The following OPCML variants were observed in gnomAD, a reference collection of about 807,000 sequenced individuals.
The protein encoded by OPCML is opioid binding protein/cell adhesion molecule like, also known as opioid-binding protein/cell adhesion molecule.
A neutral mutation model predicts 37.8 loss-of-function variants in OPCML; 13 were observed. The ratio of observed to expected loss-of-function variants is 0.34; its 90% CI spans 0.22 to 0.55. The LOEUF (loss-of-function observed/expected upper bound fraction) is 0.55. Ranked by LOEUF, OPCML falls within the 20% of genes least tolerant of loss-of-function variation. The pLI, the probability that OPCML is intolerant of heterozygous loss-of-function variation, is 0.91. For synonymous variants in OPCML, 176 were observed against 168.8 expected, an observed-to-expected ratio of 1.04 and a Z score of -0.33; for missense variants, 341 against 435.6, an observed-to-expected ratio of 0.78 and a Z score of 1.93.
At chr11:133,093,548 TAGTGATCTATG>T (rs1375146334) in intron 1 of OPCML, among the ~76,000 whole-genome samples, 3 of 152,186 alleles carry the variant, frequency 2.0e-5, no homozygotes, top group Non-Finnish European at 4.4e-5. Flanking sequence ...TTAATGCTCA[TAGTGATCTATG>T]AAATTGGTAT....
At chr11:132,563,411 G>A (rs755333811) in intron 3 of OPCML, among the ~76,000 whole-genome samples, 54 of 151,960 alleles carry the variant, frequency 3.6e-4, no homozygotes, top group Non-Finnish European at 7.2e-4. Context: ...CTCCCCGAAT[G>A]TCTCTGGGTT....
intron 2 of OPCML, among the ~76,000 whole-genome samples, chr11:132,839,380 G>A (rs1941188245): frequency 6.6e-6 from 1 of 152,188 alleles, no homozygotes; most frequent in Non-Finnish European, 1.5e-5. Context: ...CCGCAAGCAT[G>A]AAAGCTGAAC....
At chr11:133,281,378 C>T (rs2136509088) in intron 1 of OPCML, among the ~76,000 whole-genome samples, 1 of 152,126 alleles carries the variant, frequency 6.6e-6, no homozygotes, top group South Asian at 2.1e-4. Flanking sequence ...AAGAGTGTGG[C>T]ATTCCCCCAC....
At chr11:133,202,883 A>T (rs1938860250) in intron 1 of OPCML, among the ~76,000 whole-genome samples, 1 of 152,224 alleles carries the variant, frequency 6.6e-6, no homozygotes, top group Non-Finnish European at 1.5e-5. Flanking sequence ...CCTCCCGGAC[A>T]TGCAGCTCAG....
intron 2 of OPCML, among the ~76,000 whole-genome samples, chr11:132,798,964 A>C (rs528241416): frequency 2.0e-5 from 3 of 152,314 alleles, no homozygotes; most frequent in South Asian, 4.1e-4. Context: ...CTGTAAACAG[A>C]TGTGCTGTCA....
intron 2 of OPCML, among the ~76,000 whole-genome samples, chr11:132,859,787 A>G (rs752872092): frequency 2.6e-5 from 4 of 152,238 alleles, no homozygotes; most frequent in Non-Finnish European, 5.9e-5. Context: ...ACAGTTTTCA[A>G]CAAAATACTT....
chr11:132,432,281 T>C (rs538600652), intron 7 of OPCML, among the ~76,000 whole-genome samples: 1 of 152,222 alleles, frequency 6.6e-6, no homozygotes, highest in East Asian at 1.9e-4. Flanking sequence ...CAGTAAATGG[T>C]TGGTAATAAT....
chr11:133,173,666 C>A lies in OPCML; in HGVS notation c.62-230656G>T, dbSNP rs1950319178. ...GATGAGGCTAACGTAAGGGTAGACA[C>A]CTCCCTGCAGATAATAACGAGAACC... On this transcript the variant is annotated intron_variant, in intron 1 of 7. Transcript: ENST00000524381. The surrounding 1 kb of genome is among the most constrained non-coding windows in gnomAD (Gnocchi z 7.8). Among the ~76,000 whole-genome samples, 1 of 152,166 alleles carries A rather than the reference C, an allele frequency of 6.6e-6. No homozygotes were observed. The highest frequency in any genetic ancestry group is 1.5e-5 in the Non-Finnish European group (1 of 68,036).
At chr11:133,458,872 C>A (rs1254558927) in intron 1 of OPCML, among the ~76,000 whole-genome samples, 1 of 110,586 alleles carries the variant, frequency 9.0e-6, no homozygotes, top group Non-Finnish European at 1.8e-5. Context: ...TATATACACA[C>A]ACATACACAC....
At chr11:133,348,326 A>C (rs1160391073) in intron 1 of OPCML, among the ~76,000 whole-genome samples, 1 of 152,220 alleles carries the variant, frequency 6.6e-6, no homozygotes, top group Non-Finnish European at 1.5e-5. Flanking sequence ...ACTGTGCCTA[A>C]TTCATCTTTG....
intron 1 of OPCML, among the ~76,000 whole-genome samples, chr11:133,133,329 C>T (rs1205026320): frequency 6.6e-6 from 1 of 152,146 alleles, no homozygotes; most frequent in African/African-American, 2.4e-5. Context: ...TTATTCTTCC[C>T]ATCTCCAGCC....
At chr11:132,815,437 T>C (rs1939577003) in intron 2 of OPCML, among the ~76,000 whole-genome samples, 2 of 152,188 alleles carry the variant, frequency 1.3e-5, no homozygotes, top group Non-Finnish European at 2.9e-5. Context: ...TGTGGAGATG[T>C]TTCAATGGGT....
intron 1 of OPCML, among the ~76,000 whole-genome samples, chr11:133,353,582 A>G (rs865785153): frequency 5.9e-5 from 9 of 152,194 alleles, no homozygotes; most frequent in South Asian, 2.1e-4. Flanking sequence ...TGGGAAAGGA[A>G]TCAGTCTGTT....
In OPCML at chr11:132,611,207, T is replaced by C. The variant is rs140028030; in HGVS notation, c.379+45880A>G. ...GATGTTGTATGTTCATTTTGACAGA[T>C]ATAAATGAGTAACTTGGTCCCTAGA... On this transcript the variant is annotated intron_variant, in intron 3 of 7. Transcript: ENST00000524381. Among the ~76,000 whole-genome samples the C allele has an allele frequency of 6.1e-3, 925 of 152,318 alleles. 9 individuals are homozygous for C. Among genetic ancestry groups the C allele is most frequent in the South Asian group, 9.1e-3 (44 of 4,824 alleles).
At chr11:133,040,826 G>A (rs1009812646) in intron 1 of OPCML, among the ~76,000 whole-genome samples, 3 of 152,134 alleles carry the variant, frequency 2.0e-5, no homozygotes, top group African/African-American at 7.2e-5. Flanking sequence ...AGGAGAAAGG[G>A]TGAAGTACAG....
chr11:133,304,587 G>T (rs906760066), intron 1 of OPCML, among the ~76,000 whole-genome samples: 1 of 152,164 alleles, frequency 6.6e-6, no homozygotes, highest in Non-Finnish European at 1.5e-5. Flanking sequence ...AAGTGCTAAG[G>T]TTACAGACAC....
At chr11:132,676,250 T>A (rs2135834337) in intron 2 of OPCML, among the ~76,000 whole-genome samples, 1 of 152,244 alleles carries the variant, frequency 6.6e-6, no homozygotes, top group African/African-American at 2.4e-5. Flanking sequence ...CACAATTGAA[T>A]ACAGCTGGAA....
intron 3 of OPCML, among the ~76,000 whole-genome samples, chr11:132,564,668 C>T (rs1399655361): frequency 6.6e-6 from 1 of 152,090 alleles, no homozygotes; most frequent in African/African-American, 2.4e-5. Context: ...CATTCATTTA[C>T]ACTGCTCCTA....
intron 2 of OPCML, among the ~76,000 whole-genome samples, chr11:132,795,002 G>C (rs559518803): frequency 6.6e-6 from 1 of 151,434 alleles, no homozygotes; most frequent in Non-Finnish European, 1.5e-5. Context: ...TAATAAAAAC[G>C]TGAGTGAAAC....
Sources: gnomAD v4.1 joint callset for allele counts (sites outside exome capture counted in the v4.1 genomes callset) on GRCh38, gnomAD v4.1.1 for gene constraint, Gnocchi (gnomAD v3.1) non-coding constraint, MANE v1.5 for transcripts, NCBI Gene and HGNC (gene_info 2026-07-23, HGNC 2026-07-21) for gene names.